Variants in SLC25A48 observed in about 807,000 individuals in gnomAD.
The protein encoded by SLC25A48 is CTC-321K16.1.
A neutral mutation model predicts 32.2 loss-of-function variants in SLC25A48; 29 were observed. The observed-to-expected ratio is 0.90, with a 90% CI of 0.67 to 1.23. The LOEUF (loss-of-function observed/expected upper bound fraction) is 1.23, where lower values mean the gene tolerates loss of function less well. Among genes scored for constraint, SLC25A48 ranks in the 50% most tolerant of loss-of-function variants. The pLI is 0.00. For missense variants in SLC25A48, 399 were observed against 422.7 expected, an observed-to-expected ratio of 0.94 and a Z score of 0.49; for synonymous variants, 164 against 172.3, an observed-to-expected ratio of 0.95 and a Z score of 0.38.
At chr5:135,585,851 G>A (rs1301178628) in intron 1 of SLC25A48, among the ~76,000 whole-genome samples, 2 of 152,102 alleles carry the variant, frequency 1.3e-5, no homozygotes, top group Non-Finnish European at 2.9e-5. Context: ...ACAGTATCTT[G>A]TCACATAGTA....
rs25899 is a variant in SLC25A48 at position 135,877,462 on chromosome 5, A to G, written c.814-2506A>G. Reference sequence around the variant, plus strand: ...GAATCTGGAGCCTTCCTGTCACTCCAGGAAACCTGAACTGCAGGCACCAGG... The same window carrying G: ...GAATCTGGAGCCTTCCTGTCACTCCGGGAAACCTGAACTGCAGGCACCAGG... On this transcript the variant is annotated intron_variant, in intron 6 of 7. Coordinates refer to ENST00000681962, the MANE Select transcript of SLC25A48 (RefSeq NM_001349336.2). Among the ~76,000 whole-genome samples, 14 of 151,180 alleles carry G rather than the reference A, an allele frequency of 9.3e-5. No homozygotes were observed. The East Asian group carries it at 2.8e-3, about 30-fold the overall frequency.
At chr5:135,583,213 G>C (rs890602144) in intron 1 of SLC25A48, among the ~76,000 whole-genome samples, 3 of 140,870 alleles carry the variant, frequency 2.1e-5, no homozygotes, top group Non-Finnish European at 4.7e-5. Flanking sequence ...CGTGTGTGTA[G>C]GGGTGGCCAT....
chr5:135,670,868 T>C (rs752179745), intron 3 of SLC25A48, among the ~76,000 whole-genome samples: 3 of 152,220 alleles, frequency 2.0e-5, no homozygotes, highest in Non-Finnish European at 4.4e-5. Flanking sequence ...CTCATACTAA[T>C]GAATAGATTA....
chr5:135,885,970 T>C (rs1457165403), intron 7 of SLC25A48, among the ~76,000 whole-genome samples: 3 of 152,144 alleles, frequency 2.0e-5, no homozygotes, highest in Non-Finnish European at 4.4e-5. Flanking sequence ...GGTAATTATA[T>C]GGGCATTGAA....
At chr5:135,651,800 A>C (rs1561775722) in intron 3 of SLC25A48, among the ~76,000 whole-genome samples, 3 of 152,190 alleles carry the variant, frequency 2.0e-5, no homozygotes, top group Non-Finnish European at 4.4e-5. Context: ...GAAAGATAGA[A>C]GTATGGATCT....
At chr5:135,775,826 A>C (rs1756542244) in intron 3 of SLC25A48, among the ~76,000 whole-genome samples, 1 of 151,748 alleles carries the variant, frequency 6.6e-6, no homozygotes, top group African/African-American at 2.4e-5. Flanking sequence ...TATTACGCCC[A>C]ATATCGTGGG....
At chr5:135,862,869 G>A (rs1701614870) in intron 4 of SLC25A48, among the ~76,000 whole-genome samples, 1 of 152,128 alleles carries the variant, frequency 6.6e-6, no homozygotes, top group African/African-American at 2.4e-5. Context: ...GTTGGGAAGC[G>A]CTTGGATTTC....
intron 3 of SLC25A48, among the ~76,000 whole-genome samples, chr5:135,699,685 C>CA (rs2126965079): frequency 6.6e-6 from 1 of 152,320 alleles, no homozygotes; most frequent in East Asian, 1.9e-4. Context: ...ATTTTAAAAA[C>CA]AATGGTAATA....
At position 135,852,734 on chromosome 5, in the gene SLC25A48, G is replaced by A; in HGVS notation, c.334G>A (p.Val112Met). The A allele has an allele frequency of 6.2e-7, 1 of 1,614,084 alleles. No individual in the cohort carries two copies. Among genetic ancestry groups the A allele is most frequent in the Non-Finnish European group, 8.5e-7 (1 of 1,179,996 alleles). ...GTCAGACCTGCTCCTGGCCAGCATG[G>A]TGGCCGGCGTGGTCTCTGTCGGGCT... ...TLSDLLLASM[V>M]AGVVSVGLGG... The change falls in exon 4 of 8, where the codon GTG becomes ATG. Residue 112 changes from valine (V) to methionine (M), a missense_variant. Coordinates refer to ENST00000681962, the MANE Select transcript of SLC25A48 (RefSeq NM_001349336.2).
chr5:135,644,985 C>G (rs556366373), intron 3 of SLC25A48, among the ~76,000 whole-genome samples: 1 of 152,232 alleles, frequency 6.6e-6, no homozygotes, highest in Non-Finnish European at 1.5e-5. Flanking sequence ...TATTTGAAGG[C>G]AAGGGGGATC....
intron 3 of SLC25A48, among the ~76,000 whole-genome samples, chr5:135,645,647 T>A (rs1752941958): frequency 6.6e-6 from 1 of 152,168 alleles, no homozygotes; most frequent in South Asian, 2.1e-4. Flanking sequence ...CTGCTCATGA[T>A]TGAAATTGAG....
intron 1 of SLC25A48, among the ~76,000 whole-genome samples, chr5:135,598,069 G>A (rs1446116490): frequency 6.6e-6 from 1 of 151,998 alleles, no homozygotes; most frequent in African/African-American, 2.4e-5. Flanking sequence ...CCCCAACTAG[G>A]AGAGTAGAAT....
In SLC25A48 at chr5:135,783,561, C is replaced by G. The variant is rs903582870; in HGVS notation, c.-520-28962C>G. 9.3e-5 allele frequency among the ~76,000 whole-genome samples: 11 copies of G among 118,402 alleles called. 4 individuals are homozygous for G. Among genetic ancestry groups the G allele is most frequent in the Non-Finnish European group, 1.7e-4 (8 of 47,786 alleles). The allele number at this position is 118,402 out of a possible 152,430, so 77.7% of individuals were successfully genotyped here. On this transcript the variant is annotated intron_variant, in intron 3 of 10. Transcript: ENST00000646290. ...CCAGTATGGCAGGGGGTGTACACCCCCTGTGTGATTTTGTGACTAATATCC... is the reference window on the plus strand; with the variant it reads ...CCAGTATGGCAGGGGGTGTACACCCGCTGTGTGATTTTGTGACTAATATCC...
chr5:135,663,709 G>A (rs547189617), intron 3 of SLC25A48, among the ~76,000 whole-genome samples: 18 of 152,306 alleles, frequency 1.2e-4, no homozygotes, highest in African/African-American at 4.1e-4. Context: ...ACTCTTGTGT[G>A]GAGTTTAAAA....
At chr5:135,773,569 G>A (rs1257139873) in intron 3 of SLC25A48, among the ~76,000 whole-genome samples, 1 of 151,320 alleles carries the variant, frequency 6.6e-6, no homozygotes, top group African/African-American at 2.4e-5. Context: ...TGGGTATTAC[G>A]AACCATATAT....
intron 3 of SLC25A48, chr5:135,650,016 A>T (rs1753069115): frequency 6.2e-6 from 1 of 162,498 alleles, no homozygotes; most frequent in Non-Finnish European, 1.4e-5. Context: ...TTCTCCTGCC[A>T]GCCATCGTCA....
intron 1 of SLC25A48, among the ~76,000 whole-genome samples, chr5:135,841,015 A>G (rs1758943744): frequency 6.6e-6 from 1 of 152,210 alleles, no homozygotes; most frequent in African/African-American, 2.4e-5. Flanking sequence ...CCATGGCTGT[A>G]TGATTTTACA....
chr5:135,699,844 AT>A (rs1206499334), intron 3 of SLC25A48, among the ~76,000 whole-genome samples: 1 of 152,138 alleles, frequency 6.6e-6, no homozygotes, highest in African/African-American at 2.4e-5. Flanking sequence ...GTTCTTTAAT[AT>A]CCAGTCTCTT....
intron 3 of SLC25A48, among the ~76,000 whole-genome samples, chr5:135,728,789 C>A (rs1233827134): frequency 1.3e-5 from 2 of 151,292 alleles, no homozygotes; most frequent in East Asian, 3.9e-4. Flanking sequence ...CTCTGACTTG[C>A]CTTTCACCTC....
Sources: gnomAD v4.1 joint callset for allele counts (sites outside exome capture counted in the v4.1 genomes callset) on GRCh38, gnomAD v4.1.1 for gene constraint, MANE v1.5 for transcripts, NCBI Gene and HGNC (gene_info 2026-07-23, HGNC 2026-07-21) for gene names.